Variants in GCNT1 observed in about 807,000 individuals in gnomAD.
The protein encoded by GCNT1 is beta-1,3-galactosyl-O-glycosyl-glycoprotein beta-1,6-N-acetylglucosaminyltransferase.
A neutral mutation model predicts 26.2 loss-of-function variants in GCNT1; 16 were observed. That is an observed-to-expected ratio of 0.61 (90% CI 0.41 to 0.93). GCNT1 has a LOEUF of 0.93. Ranked by LOEUF, GCNT1 falls within the 40% of genes least tolerant of loss-of-function variation. GCNT1 has a pLI of 0.00. For synonymous variants in GCNT1, 183 were observed against 190.8 expected, an observed-to-expected ratio of 0.96 and a Z score of 0.34; for missense variants, 477 against 526.7, an observed-to-expected ratio of 0.91 and a Z score of 0.92.
At chr9:76,494,378 T>C (rs1036479921) in intron 2 of GCNT1, among the ~76,000 whole-genome samples, 1 of 152,124 alleles carries the variant, frequency 6.6e-6, no homozygotes, top group Non-Finnish European at 1.5e-5. Flanking sequence ...ATAAAGATGT[T>C]ATGCCCCCAA....
At chr9:76,468,845 G>A (rs1449939049) in intron 2 of GCNT1, among the ~76,000 whole-genome samples, 1 of 152,160 alleles carries the variant, frequency 6.6e-6, no homozygotes, top group Non-Finnish European at 1.5e-5. Context: ...TTGGGAAGTG[G>A]CTGTGTGGAG....
the GCNT1 span, among the ~76,000 whole-genome samples, chr9:76,410,354 C>T: frequency 6.6e-6 from 1 of 152,114 alleles, no homozygotes; most frequent in East Asian, 1.9e-4. Flanking sequence ...ATCGCTTGAA[C>T]CCAGGAGGCA....
At chr9:76,404,013 G>A in the GCNT1 span, among the ~76,000 whole-genome samples, 1 of 152,180 alleles carries the variant, frequency 6.6e-6, no homozygotes, top group Non-Finnish European at 1.5e-5. Flanking sequence ...TTCTGGAGAT[G>A]AACTTTGACC....
At chr9:76,472,312 T>C (rs1824148588) in intron 2 of GCNT1, among the ~76,000 whole-genome samples, 1 of 152,084 alleles carries the variant, frequency 6.6e-6, no homozygotes, top group Non-Finnish European at 1.5e-5. Context: ...GAAAAGAGAA[T>C]GTGTGACTGA....
chr9:76,482,872 A>G (rs785909), intron 2 of GCNT1, among the ~76,000 whole-genome samples: 137,066 of 146,900 alleles, frequency 0.93, 63,994 homozygotes, highest in East Asian at 1. Flanking sequence ...GGCTGGTCTC[A>G]AACTCCTGGA....
intron 1 of GCNT1, among the ~76,000 whole-genome samples, chr9:76,451,960 TTTTTTTGTTG>T (rs1244490715): frequency 1.0e-4 from 9 of 87,018 alleles, no homozygotes; most frequent in African/African-American, 2.0e-4. Flanking sequence ...TTTTTTTTTT[TTTTTTTGTTG>T]TTGTTGTTGT....
Position 76,504,307 on chromosome 9 carries a change from C to G in GCNT1, c.*639C>G, listed in dbSNP as rs559784579. ...AAACAACGCACACATTTTCAACAAC[C>G]AAAAAATGACAATTTCTAGTTTAGT... On this transcript the variant is annotated 3_prime_UTR_variant, in exon 4 of 4. Coordinates refer to ENST00000376730, the MANE Select transcript of GCNT1 (RefSeq NM_001490.5). 1 of 169,052 alleles carries G rather than the reference C, an allele frequency of 5.9e-6. No homozygotes were observed. The highest frequency in any genetic ancestry group is 6.5e-5 in the Admixed American group (1 of 15,314). 10.5% of individuals were successfully genotyped at this position (169,052 alleles called of 1,614,324 possible).
chr9:76,489,359 G>A (rs1311300436), intron 2 of GCNT1, among the ~76,000 whole-genome samples: 2 of 152,194 alleles, frequency 1.3e-5, no homozygotes, highest in African/African-American at 4.8e-5. Context: ...GCAGACCTTT[G>A]CAGTGAGTGT....
Position 76,502,292 on chromosome 9 carries a change from A to C in GCNT1, c.-90A>C. The C allele has an allele frequency of 1.2e-6, 1 of 802,500 alleles. No homozygotes were observed. The highest frequency in any genetic ancestry group is 2.0e-5 in the South Asian group (1 of 49,170). 49.7% of individuals were successfully genotyped at this position (802,500 alleles called of 1,614,324 possible). A position where few individuals can be genotyped will look rare whatever the true frequency, so the allele number is the denominator to read the frequency against. ...CAGCTCTGATAAATGCAAACTGACA[A>C]CCTTCAAGGCCACGACGGAGGGAAA... On this transcript the variant is annotated 5_prime_UTR_variant, in exon 4 of 4. Transcript: ENST00000376730.
At chr9:76,439,969 T>C (rs1823461908), upstream of GCNT1, among the ~76,000 whole-genome samples, 2 of 151,848 alleles carry the variant, frequency 1.3e-5, no homozygotes, top group Admixed American at 6.6e-5. Context: ...GGCTTGGTGG[T>C]GGGCACCTGT....
At chr9:76,426,222 C>G (rs114188263) in intron 1 of GCNT1, among the ~76,000 whole-genome samples, 9,949 of 152,216 alleles carry the variant, frequency 0.065, 368 homozygotes, top group Middle Eastern at 0.11. Context: ...ACAAGGACAG[C>G]TTGGAGGTTA....
intron 2 of GCNT1, among the ~76,000 whole-genome samples, chr9:76,500,461 G>A (rs1282311725): frequency 2.0e-5 from 3 of 152,146 alleles, no homozygotes; most frequent in African/African-American, 7.2e-5. Context: ...GAAGCTCCCC[G>A]TGGTCGCTTT....
At chr9:76,467,897 G>GTTTTTTGTTTTTTTTT (rs1824038073) in intron 2 of GCNT1, among the ~76,000 whole-genome samples, 1 of 59,054 alleles carries the variant, frequency 1.7e-5, no homozygotes, top group African/African-American at 7.3e-5. Flanking sequence ...CTCTTTCAGT[G>GTTTTTTGTTTTTTTTT]TTTTTTTTTT....
chr9:76,426,275 A>G (rs532240454), intron 1 of GCNT1, among the ~76,000 whole-genome samples: 68 of 152,322 alleles, frequency 4.5e-4, no homozygotes, highest in African/African-American at 1.6e-3. Flanking sequence ...TTTCACTGTA[A>G]TAATTTTCTC....
intron 2 of GCNT1, among the ~76,000 whole-genome samples, chr9:76,494,284 T>C (rs192405717): frequency 7.2e-5 from 11 of 152,294 alleles, no homozygotes; most frequent in Non-Finnish European, 1.5e-4. Flanking sequence ...AAATCGGATT[T>C]AGTGACCCTT....
chr9:76,429,857 C>G (rs182447471), intron 1 of GCNT1, among the ~76,000 whole-genome samples: 6 of 151,774 alleles, frequency 4.0e-5, no homozygotes, highest in African/African-American at 1.2e-4. Context: ...TGGGACTACA[C>G]GCACCCGCCA....
intron 2 of GCNT1, among the ~76,000 whole-genome samples, chr9:76,489,316 G>T (rs1737434666): frequency 6.6e-6 from 1 of 152,306 alleles, no homozygotes; most frequent in Admixed American, 6.5e-5. Context: ...CTTCTGGAGG[G>T]TTCTTGGTCT....
intron 1 of GCNT1, among the ~76,000 whole-genome samples, chr9:76,448,981 A>G (rs926810430): frequency 6.6e-6 from 1 of 152,098 alleles, no homozygotes; most frequent in Admixed American, 6.6e-5. Flanking sequence ...CATTTATTTT[A>G]TGTTTTTCCA....
intron 1 of GCNT1, among the ~76,000 whole-genome samples, chr9:76,444,452 G>C (rs540964987): frequency 2.6e-5 from 4 of 152,140 alleles, no homozygotes; most frequent in Non-Finnish European, 5.9e-5. Flanking sequence ...AAAGAGTGAC[G>C]AGAACAAAAC....
Sources: gnomAD v4.1 joint callset for allele counts (sites outside exome capture counted in the v4.1 genomes callset) on GRCh38, gnomAD v4.1.1 for gene constraint, MANE v1.5 for transcripts, NCBI Gene and HGNC (gene_info 2026-07-23, HGNC 2026-07-21) for gene names.